USH2A: variants seen among roughly 807,000 people sequenced by gnomAD.
USH2A encodes Usher syndrome 2A (autosomal recessive, mild).
USH2A carries 443 observed loss-of-function variants against 538.9 expected under a neutral mutation model. That is an observed-to-expected ratio of 0.82 (90% CI 0.76 to 0.89). The LOEUF (loss-of-function observed/expected upper bound fraction) is 0.89, where lower values mean the gene tolerates loss of function less well. USH2A is among the 40% of genes least tolerant of loss of function. USH2A has a pLI of 0.00. For synonymous variants in USH2A, 2,413 were observed against 2,273.5 expected (o/e 1.06, Z -1.75); for missense variants, 6,633 against 6,324.8 (o/e 1.05, Z -1.65).
chr1:215,732,224 GTC>G (rs1362805250), intron 60 of USH2A, among the ~76,000 whole-genome samples: 9 of 152,166 alleles, frequency 5.9e-5, no homozygotes, highest in Non-Finnish European at 1.2e-4. Context: ...AGGTTGAATC[GTC>G]AAGTTTTTGG....
chr1:216,287,456 G>GTCT (rs1359350687), intron 11 of USH2A, among the ~76,000 whole-genome samples: 1 of 152,142 alleles, frequency 6.6e-6, no homozygotes, highest in Non-Finnish European at 1.5e-5. Flanking sequence ...GCTCATAAGA[G>GTCT]CAGATTAAGT....
At chr1:215,986,310 CTTT>C (rs34962559) in intron 35 of USH2A, among the ~76,000 whole-genome samples, 2 of 131,422 alleles carry the variant, frequency 1.5e-5, no homozygotes, top group Non-Finnish European at 1.6e-5. Context: ...TTTTCTTTTT[CTTT>C]TTTTTTTTTT....
chr1:216,404,861 T>C (rs1387518064), intron 3 of USH2A, among the ~76,000 whole-genome samples: 1 of 151,770 alleles, frequency 6.6e-6, no homozygotes, highest in African/African-American at 2.4e-5. Flanking sequence ...AGAGCTCAAC[T>C]GATTCTCCCA....
At chr1:216,203,028 C>T (rs1340956079) in intron 16 of USH2A, among the ~76,000 whole-genome samples, 1 of 152,058 alleles carries the variant, frequency 6.6e-6, no homozygotes, top group Non-Finnish European at 1.5e-5. Flanking sequence ...ATGACTGATA[C>T]AGTTTCTGGT....
intron 21 of USH2A, among the ~76,000 whole-genome samples, chr1:216,113,032 G>C (rs186898474): frequency 6.7e-6 from 1 of 150,240 alleles, no homozygotes; most frequent in Admixed American, 6.7e-5. Flanking sequence ...GTTTTCTTTC[G>C]TCTTTTGAAA....
At chr1:215,970,589 T>A (rs1168698447) in intron 36 of USH2A, 36 bp downstream of exon 36, 2 of 1,612,786 alleles carry the variant, frequency 1.2e-6, no homozygotes, top group Non-Finnish European at 1.7e-6. Flanking sequence ...CATCTGACAT[T>A]TAACACATTC....
At chr1:215,944,564 T>C (rs1421913660) in intron 37 of USH2A, among the ~76,000 whole-genome samples, 1 of 152,128 alleles carries the variant, frequency 6.6e-6, no homozygotes, top group African/African-American at 2.4e-5. Context: ...AAATGCAAAT[T>C]ACTGAAAAGG....
Position 215,674,791 on chromosome 1 carries a change from C to T in USH2A, c.13120G>A (p.Val4374Ile), listed in dbSNP as rs749238147. ...LWAVSATQMN[V>I]CWSPPTVQNG... Reference sequence around the variant, plus strand: ...TGCACTGTGGGCGGTGACCAACATACATTCATTTGAGTGGCACTGACGGCC... The same window carrying T: ...TGCACTGTGGGCGGTGACCAACATATATTCATTTGAGTGGCACTGACGGCC... The change falls in exon 63 of 72, where the codon GTA becomes ATA. Residue 4374 changes from valine (V) to isoleucine (I), a missense_variant. Val to Ile is a conservative substitution (Grantham distance 29). Coordinates refer to ENST00000307340, the MANE Select transcript of USH2A (RefSeq NM_206933.4). 8.1e-6 allele frequency: 13 copies of T among 1,614,142 alleles called. No homozygotes were observed. In the East Asian group the frequency reaches 2.7e-4, roughly 33 times the overall value.
At chr1:215,774,997 T>G (rs556711629) in intron 55 of USH2A, among the ~76,000 whole-genome samples, 1 of 152,190 alleles carries the variant, frequency 6.6e-6, no homozygotes, top group South Asian at 2.1e-4. Context: ...ATCTCTATTT[T>G]CACAGGTCCC....
chr1:216,223,266 G>T (rs1235595746), intron 14 of USH2A, among the ~76,000 whole-genome samples: 1 of 152,118 alleles, frequency 6.6e-6, no homozygotes, highest in Non-Finnish European at 1.5e-5. Context: ...CCAGTTGCAT[G>T]TTATTCCTAT....
chr1:215,753,555 A>G (rs569990513), intron 58 of USH2A, among the ~76,000 whole-genome samples: 66 of 152,204 alleles, frequency 4.3e-4, no homozygotes, highest in African/African-American at 1.5e-3. Flanking sequence ...GCAAACTATC[A>G]CAAGGACAAA....
intron 22 of USH2A, among the ~76,000 whole-genome samples, chr1:216,089,962 A>C (rs1159728807): frequency 6.6e-6 from 1 of 152,046 alleles, no homozygotes; most frequent in Admixed American, 6.6e-5. Flanking sequence ...GACTAAGTGA[A>C]AGATATCCCA....
chr1:215,756,899 A>C (rs535309308), intron 58 of USH2A, among the ~76,000 whole-genome samples: 30 of 151,744 alleles, frequency 2.0e-4, no homozygotes, highest in Non-Finnish European at 4.3e-4. Flanking sequence ...GGTGACAGAG[A>C]GAGAGACCCG....
At chr1:215,803,124 G>A (rs1014533237) in intron 49 of USH2A, among the ~76,000 whole-genome samples, 37 of 152,048 alleles carry the variant, frequency 2.4e-4, no homozygotes, top group African/African-American at 8.2e-4. Context: ...GTATTGATGG[G>A]ATGTATCTCA....
rs560597053 is a variant in USH2A, at chr1:215,928,468, T to C, written c.7300+6148A>G. Among the ~76,000 whole-genome samples, 14 of 152,278 alleles carry C rather than the reference T, an allele frequency of 9.2e-5. No homozygotes were observed. The South Asian group carries it at 2.3e-3, about 25-fold the overall frequency. ...AAATTATGTATCTGTAATACTTGCA[T>C]GTATGTGTTTGTACATATACACATA... is the stretch of plus-strand genomic sequence containing the variant. On this transcript the variant is annotated intron_variant, in intron 38 of 71. Coordinates refer to ENST00000307340, the MANE Select transcript of USH2A (RefSeq NM_206933.4).
chr1:215,908,869 C>CTGA (rs1665703952), intron 38 of USH2A, among the ~76,000 whole-genome samples: 1 of 151,424 alleles, frequency 6.6e-6, no homozygotes, highest in Non-Finnish European at 1.5e-5. Context: ...TATTAGTTGA[C>CTGA]TAATTGTTTT....
At chr1:216,034,580 T>C (rs115855327) in intron 32 of USH2A, among the ~76,000 whole-genome samples, 2,065 of 152,160 alleles carry the variant, frequency 0.014, 48 homozygotes, top group African/African-American at 0.047. Context: ...CTGTTATCCT[T>C]AGAGGAGGAG....
At chr1:215,701,957 G>T (rs1263160750) in intron 61 of USH2A, among the ~76,000 whole-genome samples, 1 of 152,192 alleles carries the variant, frequency 6.6e-6, no homozygotes, top group Non-Finnish European at 1.5e-5. Context: ...GCTGGTAGAA[G>T]TTTTTCCTTT....
rs560209708 is a variant in USH2A, at chr1:216,005,626, T to C, written c.6326-5064A>G. ...AAACATGTTTTAAAGTCTCCAAGAA[T>C]ATAATGAATATAATTGTTGGGCCAA... On this transcript the variant is annotated intron_variant, in intron 32 of 71. Coordinates refer to ENST00000307340, the MANE Select transcript of USH2A (RefSeq NM_206933.4). Among the ~76,000 whole-genome samples, 14 of 152,222 alleles carry C rather than the reference T, an allele frequency of 9.2e-5. No homozygotes were observed. In the East Asian group the frequency reaches 2.5e-3, roughly 27 times the overall value.
Sources: gnomAD v4.1 joint callset for allele counts (sites outside exome capture counted in the v4.1 genomes callset) on GRCh38, gnomAD v4.1.1 for gene constraint, MANE v1.5 for transcripts, NCBI Gene and HGNC (gene_info 2026-07-23, HGNC 2026-07-21) for gene names.